Variants in GDNF observed in about 807,000 individuals in gnomAD.
GDNF encodes glial cell derived neurotrophic factor, also known as glial cell line-derived neurotrophic factor.
Under a neutral mutation model 13.7 loss-of-function variants are expected in GDNF, and 5 were observed. The ratio of observed to expected loss-of-function variants is 0.36; its 90% CI spans 0.19 to 0.77. The LOEUF (loss-of-function observed/expected upper bound fraction) is 0.77. Among genes scored for constraint, GDNF ranks in the 30% least tolerant of loss-of-function variants. The pLI is 0.51. For missense variants in GDNF, 246 were observed against 274.3 expected (o/e 0.90, Z 0.73); for synonymous variants, 122 against 112.5 (o/e 1.08, Z -0.53).
In GDNF at chr5:37,813,788, C is replaced by T. The variant is rs568543354; in HGVS notation, c.*1863G>A. On this transcript the variant is annotated 3_prime_UTR_variant, in exon 3 of 3. Coordinates refer to ENST00000326524, the MANE Select transcript of GDNF (RefSeq NM_000514.4). ...ATGTTGCCCAAGCTGGTCTCAAACT[C>T]CTGGGTTCAAGAGATCCTCCCACCT... is the stretch of plus-strand genomic sequence containing the variant. 2 of 152,862 alleles carry T rather than the reference C, an allele frequency of 1.3e-5. No individual in the cohort carries two copies. 9.5% of individuals were successfully genotyped at this position (152,862 alleles called of 1,614,324 possible). A position where few individuals can be genotyped will look rare whatever the true frequency, so the allele number is the denominator to read the frequency against.
At position 37,834,792 on chromosome 5, in the gene GDNF, T is replaced by C; in HGVS notation, c.5A>G (p.Lys2Arg). The stretch of plus-strand genomic sequence containing the variant: ...GCAGACAGCCACGACATCCCATAAC[T>C]TCATCTTAAAGTCCCGTCCGGCGGC... M[K>R]LWDVVAVCLV... Residue 2 changes from lysine to arginine, a missense_variant, in exon 2 of 3, where the codon AAG becomes AGG. Transcript: ENST00000326524. 1.2e-6 allele frequency: 2 copies of C among 1,612,714 alleles called. No individual in the cohort carries two copies. Among genetic ancestry groups the C allele is most frequent in the South Asian group, 1.1e-5 (1 of 90,976 alleles).
intron 2 of GDNF, among the ~76,000 whole-genome samples, chr5:37,818,904 CT>C: frequency 6.6e-6 from 1 of 152,328 alleles, no homozygotes; most frequent in Middle Eastern, 3.4e-3. Context: ...TCCCCAGCCC[CT>C]AATCCAGATA....
At chr5:37,836,670 C>A (rs552275582) in intron 1 of GDNF, among the ~76,000 whole-genome samples, 1 of 152,232 alleles carries the variant, frequency 6.6e-6, no homozygotes, top group Admixed American at 6.5e-5. Context: ...CTCAAGCCCC[C>A]CGCCGGTGCC....
At chr5:37,834,406 G>C (rs1014332664) in intron 2 of GDNF, among the ~76,000 whole-genome samples, 3 of 152,188 alleles carry the variant, frequency 2.0e-5, no homozygotes, top group African/African-American at 7.2e-5. Flanking sequence ...TAAAGGAGCA[G>C]CATAAAAATT....
chr5:37,834,672 C>CGGCGG lies in GDNF; in HGVS notation c.120_124dup (p.Arg42ProfsTer8). The stretch of plus-strand genomic sequence containing the variant: ...GTCACTGCTCAGCGCGAAGGGCGCG[C>CGGCGG]GGCGGCGGCCGAGGGAGCGGTCTTC... On this transcript the variant is annotated frameshift_variant, in exon 2 of 3. Transcript: ENST00000326524. LOFTEE classifies it high-confidence loss of function. The CGGCGG allele has an allele frequency of 6.2e-7, 1 of 1,604,514 alleles. No homozygotes were observed. Among genetic ancestry groups the CGGCGG allele is most frequent in the Non-Finnish European group, 8.5e-7 (1 of 1,175,684 alleles).
intron 2 of GDNF, among the ~76,000 whole-genome samples, chr5:37,833,271 A>C (rs968802608): frequency 2.6e-5 from 4 of 152,218 alleles, no homozygotes; most frequent in African/African-American, 9.6e-5. Flanking sequence ...AAGACCCGGC[A>C]CTAAGGGGCA....
Position 37,815,640 on chromosome 5 carries a change from T to C in GDNF, c.*11A>G. 1 of 1,612,746 alleles carries C rather than the reference T, an allele frequency of 6.2e-7. No individual in the cohort carries two copies. The highest frequency in any genetic ancestry group is 8.5e-7 in the Non-Finnish European group (1 of 1,178,706). ...CAGGAATGCAATACACAGCAGTCTCTGGAGCCGGAGTCAGATACATCCACA... is the reference window on the plus strand; with the variant it reads ...CAGGAATGCAATACACAGCAGTCTCCGGAGCCGGAGTCAGATACATCCACA... On this transcript the variant is annotated 3_prime_UTR_variant, in exon 3 of 3. Coordinates refer to ENST00000326524, the MANE Select transcript of GDNF (RefSeq NM_000514.4). This position sits in a 1 kb window ranked among gnomAD's most constrained non-coding sequence, Gnocchi z 5.0.
intron 2 of GDNF, among the ~76,000 whole-genome samples, chr5:37,817,739 A>C (rs1247789771): frequency 6.6e-6 from 1 of 152,178 alleles, no homozygotes; most frequent in Non-Finnish European, 1.5e-5. Context: ...CTGCACGGAA[A>C]TCACAAAGCT....
rs1007365866 is a variant in GDNF at position 37,832,638 on chromosome 5, T to A, written c.151+2008A>T. Among the ~76,000 whole-genome samples the A allele has an allele frequency of 7.2e-5, 11 of 152,252 alleles. 1 individual carries two copies. The highest frequency in any genetic ancestry group is 2.7e-4 in the African/African-American group (11 of 41,476). On this transcript the variant is annotated intron_variant, in intron 2 of 2. Coordinates refer to ENST00000326524, the MANE Select transcript of GDNF (RefSeq NM_000514.4). ...TTTTGGAAAAGGGAAGCAATCCCTC[T>A]TCCCTACAACATGCCCTTGTCCCTG...
In GDNF at chr5:37,828,767, C is replaced by T. The variant is rs1272978678; in HGVS notation, c.151+5879G>A. Among the ~76,000 whole-genome samples the T allele has an allele frequency of 1.3e-5, 2 of 152,218 alleles. 1 individual carries two copies. Among genetic ancestry groups the T allele is most frequent in the Admixed American group, 1.3e-4 (2 of 15,288 alleles). On this transcript the variant is annotated intron_variant, in intron 2 of 2. Transcript: ENST00000326524. Reference sequence around the variant, plus strand: ...GACTTACTTGATTTCAGGACAAGAACTGTGTTCATCATGTGGATAGTTAAA... The same window carrying T: ...GACTTACTTGATTTCAGGACAAGAATTGTGTTCATCATGTGGATAGTTAAA...
intron 2 of GDNF, among the ~76,000 whole-genome samples, chr5:37,816,555 G>A (rs1362649277): frequency 2.6e-5 from 4 of 152,210 alleles, no homozygotes; most frequent in African/African-American, 9.6e-5. Context: ...CTACCATGCA[G>A]ATTCTTGGCC....
chr5:37,819,504 G>A (rs1316242425), intron 2 of GDNF, among the ~76,000 whole-genome samples: 1 of 148,644 alleles, frequency 6.7e-6, no homozygotes, highest in Non-Finnish European at 1.5e-5. Flanking sequence ...CCAGGCTGGA[G>A]TGCAATGGCA....
At position 37,817,621 on chromosome 5, in the gene GDNF, G is replaced by A. The variant is rs184645584; in HGVS notation, c.152-1486C>T. On this transcript the variant is annotated intron_variant, in intron 2 of 2. Transcript: ENST00000326524. ...GTGTGTAGAGTGTGTGTGTGTGTGT[G>A]TGTGTGTGTAATATATAAAACATAT... 4.4e-4 allele frequency among the ~76,000 whole-genome samples: 67 copies of A among 151,962 alleles called. No individual in the cohort carries two copies. In the East Asian group the frequency reaches 0.012, roughly 28 times the overall value.
In GDNF at chr5:37,834,772, C is replaced by T; in HGVS notation, c.25G>A (p.Val9Ile). 1 of 1,613,296 alleles carries T rather than the reference C, an allele frequency of 6.2e-7. No individual in the cohort carries two copies. Among genetic ancestry groups the T allele is most frequent in the Non-Finnish European group, 8.5e-7 (1 of 1,179,704 alleles). ...GCGGTGTGGAGCAGCACCAGGCAGA[C>T]AGCCACGACATCCCATAACTTCATC... is the stretch of plus-strand genomic sequence containing the variant. MKLWDVVA[V>I]CLVLLHTASA... is the part of the protein sequence containing the mutation. Residue 9 changes from valine to isoleucine, a missense_variant, in exon 2 of 3, where the codon GTC (valine) becomes ATC (isoleucine). Val to Ile is a conservative substitution (Grantham distance 29). Coordinates refer to ENST00000326524, the MANE Select transcript of GDNF (RefSeq NM_000514.4).
Position 37,816,033 on chromosome 5 carries a change from A to G in GDNF, c.254T>C (p.Val85Ala). The change falls in exon 3 of 3, where the codon GTG becomes GCG. Residue 85 changes from valine to alanine, a missense_variant. Physicochemically the swap from Val to Ala is moderately conservative, Grantham distance 64. Coordinates refer to ENST00000326524, the MANE Select transcript of GDNF (RefSeq NM_000514.4). Reference protein sequence around the residue: ...LKRSPDKQMAVLPRRERNRQA... With the variant: ...LKRSPDKQMAALPRRERNRQA... ...CCGATTCCGCTCTCTTCTAGGAAGC[A>G]CTGCCATTTGTTTATCTGGTGACCT... is the stretch of plus-strand genomic sequence containing the variant. 6.2e-7 allele frequency: 1 copy of G among 1,613,610 alleles called. No individual in the cohort carries two copies. The highest frequency in any genetic ancestry group is 8.5e-7 in the Non-Finnish European group (1 of 1,179,570).
In GDNF at chr5:37,815,973, C is replaced by T. The variant is rs767379329; in HGVS notation, c.314G>A (p.Gly105Glu). The change falls in exon 3 of 3, where the codon GGA becomes GAA. Residue 105 changes from glycine to glutamate, a missense_variant. By Grantham distance (98) the Gly-to-Glu change is moderately conservative. Transcript: ENST00000326524. This position sits in a 1 kb window ranked among gnomAD's most constrained non-coding sequence, Gnocchi z 5.0. Reference sequence around the variant, plus strand: ...GCCCCTCTGGCCTCTCCGACCTTTTCCTCTGGAATTCTCTGGGTTGGCAGC... The same window carrying T: ...GCCCCTCTGGCCTCTCCGACCTTTTTCTCTGGAATTCTCTGGGTTGGCAGC... Reference protein sequence around the residue: ...AAAANPENSRGKGRRGQRGKN... With the variant: ...AAAANPENSREKGRRGQRGKN... 2.5e-6 allele frequency: 4 copies of T among 1,614,128 alleles called. No homozygotes were observed. The highest frequency in any genetic ancestry group is 1.7e-5 in the Admixed American group (1 of 60,022).
At chr5:37,836,842 C>T (rs1256186391) in intron 1 of GDNF, among the ~76,000 whole-genome samples, 1 of 152,256 alleles carries the variant, frequency 6.6e-6, no homozygotes, top group Non-Finnish European at 1.5e-5. Flanking sequence ...TCCTGCTTGG[C>T]CGACGGAGGG....
intron 2 of GDNF, among the ~76,000 whole-genome samples, chr5:37,818,702 G>T (rs1750017008): frequency 6.6e-6 from 1 of 152,136 alleles, no homozygotes. Flanking sequence ...GGGCCTTTGT[G>T]CTGGCTGTCC....
At chr5:37,825,391 C>T (rs1750274458) in intron 2 of GDNF, among the ~76,000 whole-genome samples, 1 of 152,152 alleles carries the variant, frequency 6.6e-6, no homozygotes, top group Non-Finnish European at 1.5e-5. Flanking sequence ...AGTGTCCATT[C>T]TTCAGCTTTT....
Sources: gnomAD v4.1 joint callset for allele counts (sites outside exome capture counted in the v4.1 genomes callset) on GRCh38, gnomAD v4.1.1 for gene constraint, Gnocchi (gnomAD v3.1) non-coding constraint, MANE v1.5 for transcripts, NCBI Gene and HGNC (gene_info 2026-07-23, HGNC 2026-07-21) for gene names.